CADM2: variants seen among roughly 807,000 people sequenced by gnomAD.
The protein encoded by CADM2 is cell adhesion molecule 2.
CADM2 carries 12 observed loss-of-function variants against 49.8 expected under a neutral mutation model. The observed-to-expected ratio is 0.24, with a 90% CI of 0.15 to 0.39. CADM2 has a LOEUF of 0.39. Among genes scored for constraint, CADM2 ranks in the 10% least tolerant of loss-of-function variants. The pLI, the probability that CADM2 is intolerant of heterozygous loss-of-function variation, is 1.00. For synonymous variants in CADM2, 214 were observed against 175.4 expected, an observed-to-expected ratio of 1.22 and a Z score of -1.74; for missense variants, 378 against 492.3, an observed-to-expected ratio of 0.77 and a Z score of 2.20.
chr3:85,015,377 C>T (rs1428247576), intron 1 of CADM2, among the ~76,000 whole-genome samples: 1 of 152,076 alleles, frequency 6.6e-6, no homozygotes, highest in African/African-American at 2.4e-5. Context: ...TGATGTGATG[C>T]TTCATCAGAA....
chr3:85,628,512 C>CCT (rs1559952751), intron 1 of CADM2, among the ~76,000 whole-genome samples: 1 of 144,844 alleles, frequency 6.9e-6, no homozygotes, highest in Non-Finnish European at 1.5e-5. Flanking sequence ...CTCCCATATA[C>CCT]ATATATATAT....
intron 1 of CADM2, among the ~76,000 whole-genome samples, chr3:85,127,439 G>C (rs2039074044): frequency 6.6e-6 from 1 of 152,144 alleles, no homozygotes; most frequent in Admixed American, 6.5e-5. Context: ...GGGCCAACTG[G>C]CCCAAATTTC....
chr3:84,996,149 C>T (rs891563033), intron 1 of CADM2, among the ~76,000 whole-genome samples: 1 of 152,080 alleles, frequency 6.6e-6, no homozygotes, highest in Admixed American at 6.6e-5. Context: ...GTGGACTACA[C>T]CAACTTTATT....
chr3:85,193,367 T>TA (rs200272640), intron 1 of CADM2, among the ~76,000 whole-genome samples: 11,252 of 101,158 alleles, frequency 0.11, 1,380 homozygotes, highest in African/African-American at 0.36. Flanking sequence ...CTAAAAAATC[T>TA]TAAAAAATTT....
chr3:85,805,516 C>T (rs996267196), intron 3 of CADM2: 1 of 152,102 alleles, frequency 6.6e-6, no homozygotes, highest in African/African-American at 2.4e-5. Context: ...CTCGTCCTCA[C>T]TATCTGTTCC....
chr3:85,388,371 A>G (rs1193490525), intron 1 of CADM2, among the ~76,000 whole-genome samples: 1 of 152,190 alleles, frequency 6.6e-6, no homozygotes, highest in South Asian at 2.1e-4. Context: ...ATGTTTGGCC[A>G]TGTGGTTTCT....
rs1486155529 is a variant in CADM2 at position 85,113,626 on chromosome 3, A to G, written c.61+153958A>G. On this transcript the variant is annotated intron_variant, in intron 1 of 9. Transcript: ENST00000383699. ...TGTACTGAAATATTTTACATTATATACTTCTAAATGTAATTAAAGCAATTT... is the reference window on the plus strand; with the variant it reads ...TGTACTGAAATATTTTACATTATATGCTTCTAAATGTAATTAAAGCAATTT... Among the ~76,000 whole-genome samples the G allele has an allele frequency of 2.6e-5, 4 of 151,766 alleles. No homozygotes were observed. In the East Asian group the frequency reaches 7.7e-4, roughly 29 times the overall value.
chr3:85,144,611 C>CAA (rs368755903), intron 1 of CADM2, among the ~76,000 whole-genome samples: 5 of 108,770 alleles, frequency 4.6e-5, no homozygotes, highest in African/African-American at 2.0e-4. Context: ...GACTCCATCT[C>CAA]AAAAAAAAAA....
chr3:85,457,233 C>A lies in CADM2; in HGVS notation c.62-269289C>A, dbSNP rs1287432497. Among the ~76,000 whole-genome samples the A allele has an allele frequency of 3.9e-5, 6 of 152,046 alleles. No individual in the cohort carries two copies. The South Asian group carries it at 1.2e-3, about 32-fold the overall frequency. On this transcript the variant is annotated intron_variant, in intron 1 of 9. Coordinates refer to ENST00000383699, the MANE Select transcript of CADM2 (RefSeq NM_001167675.2). Reference sequence around the variant, plus strand: ...GTTGGTACCAGTCTGGGCAACATGGCAAAACACCATCTCTACAAAATACAT... The same window carrying A: ...GTTGGTACCAGTCTGGGCAACATGGAAAAACACCATCTCTACAAAATACAT...
At chr3:85,030,115 A>T (rs1219724226) in intron 1 of CADM2, among the ~76,000 whole-genome samples, 1 of 152,174 alleles carries the variant, frequency 6.6e-6, no homozygotes, top group African/African-American at 2.4e-5. Context: ...ACTTTTCTGC[A>T]TTAAGTATCT....
At chr3:85,163,045 A>G (rs1254516962) in intron 1 of CADM2, among the ~76,000 whole-genome samples, 1 of 152,072 alleles carries the variant, frequency 6.6e-6, no homozygotes, top group Non-Finnish European at 1.5e-5. Flanking sequence ...TAACATGTAA[A>G]TTTGAAATAG....
intron 1 of CADM2, among the ~76,000 whole-genome samples, chr3:85,436,346 T>C (rs557765316): frequency 2.1e-4 from 32 of 152,296 alleles, no homozygotes; most frequent in African/African-American, 7.2e-4. Flanking sequence ...GTTTTCTAAA[T>C]ATACGATCAT....
chr3:85,398,116 AT>A (rs1423197034), intron 1 of CADM2, among the ~76,000 whole-genome samples: 2 of 151,982 alleles, frequency 1.3e-5, no homozygotes, highest in Non-Finnish European at 2.9e-5. Context: ...TTAACTCATC[AT>A]TTAACATTAG....
intron 1 of CADM2, among the ~76,000 whole-genome samples, chr3:85,513,041 G>A (rs1351688128): frequency 1.3e-5 from 2 of 151,998 alleles, no homozygotes; most frequent in Admixed American, 1.3e-4. Context: ...AGAGATACGT[G>A]TAATATCTAA....
rs748201589 is a variant in CADM2 at position 85,961,577 on chromosome 3, T to C, written c.900T>C (p.Asn300=). Residue 300 remains asparagine (N), a synonymous_variant, in exon 8 of 10, where the codon AAT becomes AAC. Coordinates refer to ENST00000383699, the MANE Select transcript of CADM2 (RefSeq NM_001167675.2). ...TTCTTTTCCTGAACAAAACGGATAA[T>C]GGTACATATCGATGTGAAGCCACAA... is the stretch of plus-strand genomic sequence containing the variant. ...LNILFLNKTD[N]GTYRCEATNT... is the part of the protein sequence containing the mutation. 4.3e-6 allele frequency: 7 copies of C among 1,610,494 alleles called. No individual in the cohort carries two copies. The highest frequency in any genetic ancestry group is 5.9e-6 in the Non-Finnish European group (7 of 1,177,482).
intron 1 of CADM2, among the ~76,000 whole-genome samples, chr3:85,035,939 ACTGCTGTTTTAT>A (rs1392029763): frequency 6.6e-6 from 1 of 152,242 alleles, no homozygotes; most frequent in Non-Finnish European, 1.5e-5. Flanking sequence ...AATAATCGTA[ACTGCTGTTTTAT>A]CTGCCTGTAA....
rs531434961 is a variant in CADM2, at chr3:85,290,307, G to T, written c.61+330639G>T. Among the ~76,000 whole-genome samples, 272 of 152,238 alleles carry T rather than the reference G, an allele frequency of 1.8e-3. 1 individual carries two copies. The highest frequency in any genetic ancestry group is 6.3e-3 in the African/African-American group (262 of 41,556). On this transcript the variant is annotated intron_variant, in intron 1 of 9. Transcript: ENST00000383699. Reference sequence around the variant, plus strand: ...GGTCCTACGCCCACGGAATCTTGCTGATTGCTAGCACAGCAGTCTGAGATC... The same window carrying T: ...GGTCCTACGCCCACGGAATCTTGCTTATTGCTAGCACAGCAGTCTGAGATC...
chr3:85,856,527 C>G (rs1345569257), intron 3 of CADM2, among the ~76,000 whole-genome samples: 1 of 152,122 alleles, frequency 6.6e-6, no homozygotes, highest in Non-Finnish European at 1.5e-5. Context: ...GCATCATAGG[C>G]TATTTAATAT....
chr3:85,723,847 G>C (rs546195966), intron 1 of CADM2, among the ~76,000 whole-genome samples: 1 of 151,948 alleles, frequency 6.6e-6, no homozygotes. Context: ...AACTTTATAA[G>C]GTTTTGGCAT....
Sources: allele counts gnomAD v4.1 joint callset (sites outside exome capture counted in the v4.1 genomes callset), GRCh38; gene constraint gnomAD v4.1.1; transcripts MANE v1.5; gene names NCBI Gene and HGNC (gene_info 2026-07-23, HGNC 2026-07-21).